Variants in CYP27C1 observed in about 807,000 individuals in gnomAD.
CYP27C1 encodes the protein cytochrome P450 family 27 subfamily C member 1, also known as cytochrome P450 27C1.
In CYP27C1, 29 loss-of-function variants were observed where a neutral mutation model predicts 40.6. That is an observed-to-expected ratio of 0.71 (90% CI 0.53 to 0.97). The LOEUF (loss-of-function observed/expected upper bound fraction) is 0.97. CYP27C1 is among the 50% of genes least tolerant of loss of function. CYP27C1 has a pLI of 0.00. For synonymous variants in CYP27C1, 198 were observed against 186.8 expected (o/e 1.06, Z -0.49); for missense variants, 390 against 485.8 (o/e 0.80, Z 1.85).
chr2:127,205,624 G>A (rs1403395105), intron 2 of CYP27C1: 1 of 958,410 alleles, frequency 1.0e-6, no homozygotes, highest in Non-Finnish European at 1.2e-6. Flanking sequence ...GACTCCCAAA[G>A]CCACAAAGCC....
chr2:127,192,097 G>A (rs780081777), intron 8 of CYP27C1, among the ~76,000 whole-genome samples: 2 of 152,170 alleles, frequency 1.3e-5, no homozygotes, highest in African/African-American at 2.4e-5. Flanking sequence ...GCCCAGCTCC[G>A]GTCTCCCAGT....
intron 1 of CYP27C1, among the ~76,000 whole-genome samples, chr2:127,210,339 C>T (rs762257833): frequency 3.3e-5 from 5 of 152,128 alleles, no homozygotes; most frequent in Non-Finnish European, 7.3e-5. Flanking sequence ...CTGGGTCTGC[C>T]ATGCAAGAGC....
chr2:127,189,627 A>G (rs1474201718), intron 8 of CYP27C1, among the ~76,000 whole-genome samples: 1 of 151,942 alleles, frequency 6.6e-6, no homozygotes, highest in Non-Finnish European at 1.5e-5. Context: ...AAATTAAAAA[A>G]AAAAAAAAAA....
intron 8 of CYP27C1, among the ~76,000 whole-genome samples, chr2:127,192,118 G>A (rs916131842): frequency 9.9e-5 from 15 of 152,162 alleles, no homozygotes; most frequent in Non-Finnish European, 2.2e-4. Flanking sequence ...GAGCCTGGAG[G>A]GGGCACCTGC....
chr2:127,214,294 T>A (rs2104701243), intron 1 of CYP27C1, among the ~76,000 whole-genome samples: 1 of 152,338 alleles, frequency 6.6e-6, no homozygotes, highest in South Asian at 2.1e-4. Flanking sequence ...AGAAATACCA[T>A]TTGACCCAGC....
chr2:127,217,667 A>G (rs986568364), intron 1 of CYP27C1, among the ~76,000 whole-genome samples: 6 of 152,218 alleles, frequency 3.9e-5, no homozygotes, highest in Non-Finnish European at 5.9e-5. Context: ...TACTCTGCCA[A>G]TCACCAGCTG....
chr2:127,187,427 A>T (rs1318364269), intron 8 of CYP27C1, 40 bp from the exon 9 acceptor site: 1 of 1,557,068 alleles, frequency 6.4e-7, no homozygotes, highest in African/African-American at 1.4e-5. Context: ...GAATTGGAAC[A>T]GCAGAAAATT....
rs1239393896 is a variant in CYP27C1, at chr2:127,205,936, C to T, written c.437G>A (p.Arg146Gln). Reference protein sequence around the residue: ...RANMESWREYRDLRGRATGLI... With the variant: ...RANMESWREYQDLRGRATGLI... Reference sequence around the variant, plus strand: ...CCCGGTGGCTCTCCCCCGCAAGTCTCGGTACTCCCGCCAGGACTCCATGTT... The same window carrying T: ...CCCGGTGGCTCTCCCCCGCAAGTCTTGGTACTCCCGCCAGGACTCCATGTT... Residue 146 changes from arginine to glutamine, a missense_variant, in exon 2 of 9, where the codon CGA becomes CAA. Physicochemically the swap from Arg to Gln is conservative, Grantham distance 43 (BLOSUM62 1). Transcript: ENST00000664447. Among the ~76,000 whole-genome samples, 1 of 152,200 alleles carries T rather than the reference C, an allele frequency of 6.6e-6. No individual in the cohort carries two copies. Among genetic ancestry groups the T allele is most frequent in the Non-Finnish European group, 1.5e-5 (1 of 68,036 alleles).
At chr2:127,193,747 C>G (rs763977959) in intron 7 of CYP27C1, 42 bp downstream of exon 7, 4 of 1,610,736 alleles carry the variant, frequency 2.5e-6, no homozygotes, top group Non-Finnish European at 2.5e-6. Flanking sequence ...CAATTCAACC[C>G]CGACCCGCAA....
In CYP27C1 at chr2:127,201,761, A is replaced by G. The variant is rs780311523; in HGVS notation, c.674-430T>C. Among the ~76,000 whole-genome samples, 12 of 152,054 alleles carry G rather than the reference A, an allele frequency of 7.9e-5. No individual in the cohort carries two copies. The highest frequency in any genetic ancestry group is 1.5e-4 in the Non-Finnish European group (10 of 68,012). On this transcript the variant is annotated intron_variant, in intron 3 of 8. Transcript: ENST00000664447. The surrounding 1 kb of genome is among the most constrained non-coding windows in gnomAD (Gnocchi z 6.0). The stretch of plus-strand genomic sequence containing the variant: ...TCAGGAAGGAGTCGGCAAACCTCAC[A>G]TGGCCTCTCCCTGCCCCACCTGGCC...
chr2:127,189,832 G>A (rs539736161), intron 8 of CYP27C1, among the ~76,000 whole-genome samples: 45 of 152,114 alleles, frequency 3.0e-4, no homozygotes, highest in Non-Finnish European at 3.8e-4. Context: ...ATGCCTTTCC[G>A]TTTTATACAT....
chr2:127,204,893 C>T (rs367810383), intron 2 of CYP27C1, among the ~76,000 whole-genome samples: 57 of 152,328 alleles, frequency 3.7e-4, no homozygotes, highest in East Asian at 1.9e-3. Flanking sequence ...GCTTGCCTCC[C>T]AACCCTGCTC....
At chr2:127,214,791 T>TGG (rs1558935019) in intron 1 of CYP27C1, among the ~76,000 whole-genome samples, 8 of 142,880 alleles carry the variant, frequency 5.6e-5, no homozygotes, top group East Asian at 4.2e-4. Context: ...TGTTTTTTTT[T>TGG]TTTTTTTTGG....
At chr2:127,202,405 C>T (rs564764480) in intron 3 of CYP27C1, among the ~76,000 whole-genome samples, 7 of 152,248 alleles carry the variant, frequency 4.6e-5, no homozygotes, top group East Asian at 1.9e-4. Context: ...GGATTACAGG[C>T]GTGAGCCACC....
At position 127,204,463 on chromosome 2, in the gene CYP27C1, A is replaced by AG. The variant is rs1491381499; in HGVS notation, c.474-893dup. 4.5e-4 allele frequency among the ~76,000 whole-genome samples: 35 copies of AG among 78,064 alleles called. 3 individuals carry two copies. The highest frequency in any genetic ancestry group is 2.0e-3 in the East Asian group (5 of 2,472). 51.2% of individuals were successfully genotyped at this position (78,064 alleles called of 152,430 possible). ...GAAAAAGAAAGAAAGAAAGAAAGAA[A>AG]GAAAGAAAGAAAGAAAGAAAGAAAG... On this transcript the variant is annotated intron_variant, in intron 2 of 8. Coordinates refer to ENST00000664447, the MANE Select transcript of CYP27C1 (RefSeq NM_001367502.1).
At chr2:127,193,928 G>C (rs183767148) in intron 6 of CYP27C1, 61 bp from the exon 7 acceptor site, 1 of 1,559,830 alleles carries the variant, frequency 6.4e-7, no homozygotes, top group Non-Finnish European at 8.8e-7. Flanking sequence ...TTTATTGAAC[G>C]TTCAGAACCC....
At chr2:127,199,317 A>T in intron 5 of CYP27C1, 59 bp downstream of exon 5, 1 of 1,583,192 alleles carries the variant, frequency 6.3e-7, no homozygotes, top group South Asian at 1.1e-5. Flanking sequence ...AACGTCCATG[A>T]GGTGATGAGG....
chr2:127,203,852 T>C (rs1348505321), intron 2 of CYP27C1, among the ~76,000 whole-genome samples: 1 of 152,122 alleles, frequency 6.6e-6, no homozygotes, highest in East Asian at 1.9e-4. Context: ...TACGACTTCC[T>C]TTAAAAAATC....
chr2:127,194,766 C>T (rs1343382745), intron 6 of CYP27C1, among the ~76,000 whole-genome samples: 2 of 152,012 alleles, frequency 1.3e-5, no homozygotes, highest in Non-Finnish European at 2.9e-5. Flanking sequence ...GACCCAGGAA[C>T]ATTTTGGGAA....
Sources: gnomAD v4.1 joint callset for allele counts (sites outside exome capture counted in the v4.1 genomes callset) on GRCh38, gnomAD v4.1.1 for gene constraint, Gnocchi (gnomAD v3.1) non-coding constraint, MANE v1.5 for transcripts, NCBI Gene and HGNC (gene_info 2026-07-23, HGNC 2026-07-21) for gene names.